The following DNM3 variants were observed in gnomAD, a reference collection of about 807,000 sequenced individuals.
The protein encoded by DNM3 is dynamin-3.
In DNM3, 47 loss-of-function variants were observed where a neutral mutation model predicts 101.6. The ratio of observed to expected loss-of-function variants is 0.46; its 90% CI spans 0.37 to 0.59. DNM3 has a LOEUF of 0.59. Among genes scored for constraint, DNM3 ranks in the 20% least tolerant of loss-of-function variants. The pLI is 0.00. For synonymous variants in DNM3, 385 were observed against 387.9 expected, an observed-to-expected ratio of 0.99 and a Z score of 0.09; for missense variants, 849 against 1,085.7, an observed-to-expected ratio of 0.78 and a Z score of 3.06.
intron 10 of DNM3, among the ~76,000 whole-genome samples, chr1:172,057,536 T>C (rs570467475): frequency 2.6e-5 from 4 of 152,342 alleles, no homozygotes. Context: ...TGGGGGCCAA[T>C]ATTCAACATT....
chr1:172,238,430 G>A (rs536983638), intron 14 of DNM3, among the ~76,000 whole-genome samples: 1 of 152,122 alleles, frequency 6.6e-6, no homozygotes, highest in South Asian at 2.1e-4. Flanking sequence ...GTAAATGGAA[G>A]GACTGAACGA....
At chr1:172,148,334 T>C (rs2057999061) in intron 14 of DNM3, among the ~76,000 whole-genome samples, 1 of 151,866 alleles carries the variant, frequency 6.6e-6, no homozygotes, top group Non-Finnish European at 1.5e-5. Context: ...GTAGTCCATT[T>C]AGTAAACTGT....
chr1:172,303,704 A>G (rs1356667190), intron 15 of DNM3, among the ~76,000 whole-genome samples: 2 of 152,214 alleles, frequency 1.3e-5, no homozygotes, highest in African/African-American at 4.8e-5. Flanking sequence ...TACAAGCCAG[A>G]AGAGAGTGGG....
chr1:171,874,562 T>C (rs1188054970), intron 1 of DNM3, among the ~76,000 whole-genome samples: 1 of 152,196 alleles, frequency 6.6e-6, no homozygotes, highest in East Asian at 1.9e-4. Flanking sequence ...CAAAATATAA[T>C]ATTCATATAG....
intron 14 of DNM3, among the ~76,000 whole-genome samples, chr1:172,204,704 T>C (rs905583827): frequency 6.6e-6 from 1 of 152,160 alleles, no homozygotes; most frequent in Non-Finnish European, 1.5e-5. Context: ...TGCCTTCAAA[T>C]CCTGATGGTC....
At chr1:172,112,745 G>A (rs557890317) in intron 13 of DNM3, among the ~76,000 whole-genome samples, 1 of 152,284 alleles carries the variant, frequency 6.6e-6, no homozygotes, top group South Asian at 2.1e-4. Flanking sequence ...CTTGTAAGCT[G>A]AATCATTCAC....
intron 2 of DNM3, among the ~76,000 whole-genome samples, chr1:171,928,272 C>T (rs971508070): frequency 1.3e-5 from 2 of 152,152 alleles, no homozygotes; most frequent in Non-Finnish European, 2.9e-5. Flanking sequence ...GTTCTTCTCC[C>T]TCTTGAGTGC....
intron 1 of DNM3, among the ~76,000 whole-genome samples, chr1:171,858,326 C>A (rs753956156): frequency 2.6e-5 from 4 of 151,972 alleles, no homozygotes; most frequent in Non-Finnish European, 4.4e-5. Flanking sequence ...TTTGAGGTAT[C>A]CATTCTTTCA....
At chr1:171,880,415 T>G (rs2036164039) in intron 1 of DNM3, among the ~76,000 whole-genome samples, 1 of 152,256 alleles carries the variant, frequency 6.6e-6, no homozygotes, top group African/African-American at 2.4e-5. Context: ...CTTAGCCATC[T>G]TTTGAAATTA....
At chr1:172,260,026 T>A (rs1037423142) in intron 15 of DNM3, among the ~76,000 whole-genome samples, 3 of 152,134 alleles carry the variant, frequency 2.0e-5, no homozygotes, top group Non-Finnish European at 4.4e-5. Flanking sequence ...TGGTGCTGTA[T>A]CTCTTAGCTT....
chr1:171,926,149 A>G (rs1485984627), intron 2 of DNM3, among the ~76,000 whole-genome samples: 1 of 152,142 alleles, frequency 6.6e-6, no homozygotes, highest in African/African-American at 2.4e-5. Flanking sequence ...GGGTAATGTG[A>G]TGCCTCTGGC....
chr1:172,235,733 A>T (rs773912576), intron 14 of DNM3, among the ~76,000 whole-genome samples: 18 of 152,170 alleles, frequency 1.2e-4, no homozygotes, highest in Non-Finnish European at 2.1e-4. Context: ...TTCTCAGCAA[A>T]CTATCGCAAG....
chr1:172,176,513 G>A (rs909832942), intron 14 of DNM3, among the ~76,000 whole-genome samples: 1 of 151,776 alleles, frequency 6.6e-6, no homozygotes, highest in Non-Finnish European at 1.5e-5. Context: ...CCTGTAAATA[G>A]CCAGGTTAGT....
chr1:172,104,490 G>A (rs187561896), intron 13 of DNM3, among the ~76,000 whole-genome samples: 1 of 152,074 alleles, frequency 6.6e-6, no homozygotes, highest in African/African-American at 2.4e-5. Flanking sequence ...ATTCATGCTG[G>A]TGTTTATATT....
chr1:172,270,010 T>G (rs2063020755), intron 15 of DNM3, among the ~76,000 whole-genome samples: 1 of 152,178 alleles, frequency 6.6e-6, no homozygotes. Context: ...TTTTATTGAC[T>G]ATTGGAATAA....
intron 2 of DNM3, among the ~76,000 whole-genome samples, chr1:171,968,841 G>A (rs1348963287): frequency 1.3e-5 from 2 of 152,168 alleles, no homozygotes; most frequent in Admixed American, 6.6e-5. Context: ...TGGAACAAAT[G>A]AGTGATTGCT....
intron 1 of DNM3, among the ~76,000 whole-genome samples, chr1:171,894,951 T>G (rs1305314099): frequency 6.6e-6 from 1 of 152,250 alleles, no homozygotes; most frequent in African/African-American, 2.4e-5. Context: ...TCTATGTGCC[T>G]GCAAAGGACA....
chr1:172,125,219 T>TA lies in DNM3; in HGVS notation c.1546-5947dup, dbSNP rs745724518. ...TAACCTTTATCTAGGCTGCAGCAGTTAAAAAAAAAGACAGCTGCATAGCTG... is the reference window on the plus strand; with the variant it reads ...TAACCTTTATCTAGGCTGCAGCAGTTAAAAAAAAAAGACAGCTGCATAGCTG... On this transcript the variant is annotated intron_variant, in intron 13 of 20. Transcript: ENST00000627582. Among the ~76,000 whole-genome samples, 12 of 151,204 alleles carry TA rather than the reference T, an allele frequency of 7.9e-5. 1 individual carries two copies. The highest frequency in any genetic ancestry group is 6.3e-4 in the South Asian group (3 of 4,768).
chr1:172,277,185 T>C (rs1192323495), intron 15 of DNM3, among the ~76,000 whole-genome samples: 81 of 152,094 alleles, frequency 5.3e-4, no homozygotes, highest in Admixed American at 5.3e-3. Context: ...AATGATATAG[T>C]ATAACAAATG....
Sources: gnomAD v4.1 joint callset for allele counts (sites outside exome capture counted in the v4.1 genomes callset) on GRCh38, gnomAD v4.1.1 for gene constraint, MANE v1.5 for transcripts, NCBI Gene and HGNC (gene_info 2026-07-23, HGNC 2026-07-21) for gene names.